SPATA13: variants seen among roughly 807,000 people sequenced by gnomAD.
SPATA13 encodes the protein spermatogenesis associated 13.
SPATA13 carries 50 observed loss-of-function variants against 104.0 expected under a neutral mutation model. That is an observed-to-expected ratio of 0.48 (90% confidence interval 0.38 to 0.61). The LOEUF (loss-of-function observed/expected upper bound fraction) is 0.61. Ranked by LOEUF, SPATA13 falls within the 20% of genes least tolerant of loss-of-function variation. The pLI, the probability that SPATA13 is intolerant of heterozygous loss-of-function variation, is 0.00. For synonymous variants in SPATA13, 606 were observed against 667.5 expected, an observed-to-expected ratio of 0.91 and a Z score of 1.42; for missense variants, 1,524 against 1,690.6, an observed-to-expected ratio of 0.90 and a Z score of 1.73.
rs1277260905 is a variant in SPATA13, at chr13:24,108,759, C to A, written c.-112+91058C>A. Among the ~76,000 whole-genome samples, 4 of 152,092 alleles carry A rather than the reference C, an allele frequency of 2.6e-5. No homozygotes were observed. In the East Asian group the frequency reaches 7.7e-4, roughly 29 times the overall value. On this transcript the variant is annotated intron_variant, in intron 3 of 14. Coordinates refer to the SPATA13 transcript ENST00000424834. ...TCTCACCTTTCAAGCCTGGAGGCCC[C>A]GAGCCCACAGTTCCTTGGGATTTTT...
At chr13:24,043,894 G>T (rs9511016) in intron 3 of SPATA13, among the ~76,000 whole-genome samples, 72,520 of 151,626 alleles carry the variant, frequency 0.48, 19,086 homozygotes, top group East Asian at 0.64. Flanking sequence ...GCCAGGGGAG[G>T]GGTAGGTGGC....
chr13:24,005,688 A>G (rs1220921785), intron 2 of SPATA13, among the ~76,000 whole-genome samples: 3 of 152,180 alleles, frequency 2.0e-5, no homozygotes, highest in Non-Finnish European at 2.9e-5. Flanking sequence ...GGTATGTGTC[A>G]TGTAAAGGGT....
intron 1 of SPATA13, among the ~76,000 whole-genome samples, chr13:24,201,024 T>G (rs1019391199): frequency 7.2e-6 from 1 of 139,006 alleles, no homozygotes; most frequent in African/African-American, 2.8e-5. Context: ...TAAATTCAGC[T>G]AGTCAGTCAC....
At chr13:24,258,088 A>G (rs984652811) in intron 4 of SPATA13, among the ~76,000 whole-genome samples, 2 of 152,192 alleles carry the variant, frequency 1.3e-5, no homozygotes, top group African/African-American at 4.8e-5. Context: ...ATACAAAATT[A>G]GCTGGGTGTG....
chr13:24,144,014 A>C (rs1881850006), intron 3 of SPATA13, among the ~76,000 whole-genome samples: 1 of 152,186 alleles, frequency 6.6e-6, no homozygotes, highest in Non-Finnish European at 1.5e-5. Flanking sequence ...AGAAACACTC[A>C]AAGCACGTAG....
chr13:24,126,139 C>G (rs1881208022), intron 3 of SPATA13, among the ~76,000 whole-genome samples: 1 of 152,154 alleles, frequency 6.6e-6, no homozygotes, highest in African/African-American at 2.4e-5. Context: ...CAAGATCCTG[C>G]TGGAATTCCA....
chr13:24,226,010 C>G (rs1369643453), intron 2 of SPATA13, among the ~76,000 whole-genome samples: 1 of 152,160 alleles, frequency 6.6e-6, no homozygotes, highest in East Asian at 1.9e-4. Flanking sequence ...CATAGGAGAC[C>G]TGGAATGTGT....
In SPATA13 at chr13:24,302,641, C is replaced by G; in HGVS notation, c.3702C>G (p.His1234Gln). Residue 1234 changes from histidine to glutamine, a missense_variant, in exon 13 of 13, where the codon CAC becomes CAG. By Grantham distance (24) the His-to-Gln change is conservative. Around this residue, in one of 2 missense-constraint regions of SPATA13, gnomAD observed 435 missense variants for 554.8 expected, o/e 0.78. Transcript: ENST00000382108. ...TGGCCCCACCGCACCAGGGCCTGCA[C>G]CCCATCCACCAGCGCCACATCACTA... The part of the protein sequence containing the change: ...CPVAPPHQGL[H>Q]PIHQRHITMP... 6.2e-7 allele frequency: 1 copy of G among 1,613,734 alleles called. No homozygotes were observed. Among genetic ancestry groups the G allele is most frequent in the Non-Finnish European group, 8.5e-7 (1 of 1,179,780 alleles).
chr13:24,248,236 C>CT (rs1186928614), intron 2 of SPATA13, among the ~76,000 whole-genome samples: 1 of 152,212 alleles, frequency 6.6e-6, no homozygotes, highest in South Asian at 2.1e-4. Flanking sequence ...CATGGCCCAG[C>CT]TTTTTCAGAG....
intron 3 of SPATA13, among the ~76,000 whole-genome samples, chr13:24,131,950 A>G (rs903358374): frequency 6.6e-6 from 1 of 152,214 alleles, no homozygotes. Context: ...CAATGTGCTC[A>G]GCTTAGAACA....
chr13:24,156,402 T>C (rs1341521616), upstream of SPATA13, among the ~76,000 whole-genome samples: 1 of 152,150 alleles, frequency 6.6e-6, no homozygotes, highest in Non-Finnish European at 1.5e-5. Context: ...GGAGGCACCG[T>C]AGATGGCACA....
chr13:24,293,886 G>T (rs557587665), intron 9 of SPATA13, among the ~76,000 whole-genome samples: 2 of 152,342 alleles, frequency 1.3e-5, no homozygotes, highest in Admixed American at 1.3e-4. Context: ...GCTTTCCCAT[G>T]GCTGCGCAGG....
At chr13:23,987,646 G>A (rs1157692126) in intron 2 of SPATA13, among the ~76,000 whole-genome samples, 1 of 152,196 alleles carries the variant, frequency 6.6e-6, no homozygotes, top group Admixed American at 6.5e-5. Context: ...AAAGTTTGGT[G>A]TTTTATTTAC....
chr13:24,084,100 A>G (rs967464204), intron 3 of SPATA13, among the ~76,000 whole-genome samples: 1 of 131,050 alleles, frequency 7.6e-6, no homozygotes, highest in African/African-American at 3.3e-5. Flanking sequence ...AGGGGGAGAA[A>G]GAGAGAGCCG....
intron 11 of SPATA13, among the ~76,000 whole-genome samples, chr13:24,300,071 C>T (rs145552075): frequency 6.6e-6 from 1 of 152,300 alleles, no homozygotes; most frequent in African/African-American, 2.4e-5. Context: ...TCTGGGGCCT[C>T]ATCCTTTAGG....
intron 4 of SPATA13, among the ~76,000 whole-genome samples, chr13:24,262,792 G>C (rs1480180234): frequency 2.0e-5 from 3 of 152,188 alleles, no homozygotes; most frequent in African/African-American, 7.2e-5. Flanking sequence ...TACATCCAGA[G>C]TTCTGAGTTA....
intron 3 of SPATA13, 104 bp from the exon 4 acceptor site, chr13:24,251,614 C>T: frequency 6.5e-7 from 1 of 1,529,056 alleles, no homozygotes; most frequent in Non-Finnish European, 8.8e-7. Flanking sequence ...GAAACCATTT[C>T]ACGTCTGTGA....
intron 4 of SPATA13, chr13:24,271,011 A>ACTCTCTCTCTCTCTCTCTCT (rs1874561615): frequency 1.5e-6 from 1 of 661,598 alleles, no homozygotes; most frequent in African/African-American, 2.5e-5. Context: ...CTCTCTCTCC[A>ACTCTCTCTCTCTCTCTCTCT]CTCTCTCTCA....
chr13:24,244,788 A>G (rs866632948), intron 2 of SPATA13, among the ~76,000 whole-genome samples: 2 of 152,220 alleles, frequency 1.3e-5, no homozygotes, highest in Admixed American at 6.5e-5. Flanking sequence ...ACCTGAGCCC[A>G]GGAGGTGGAG....
Sources: allele counts gnomAD v4.1 joint callset (sites outside exome capture counted in the v4.1 genomes callset), GRCh38; gene constraint gnomAD v4.1.1; regional missense constraint gnomAD v4.1.1; transcripts MANE v1.5; gene names NCBI Gene and HGNC (gene_info 2026-07-23, HGNC 2026-07-21).